OLAH: variants seen among roughly 807,000 people sequenced by gnomAD.
OLAH encodes the protein oleoyl-ACP hydrolase.
A neutral mutation model predicts 27.8 loss-of-function variants in OLAH; 33 were observed. That is an observed-to-expected ratio of 1.19 (90% CI 0.90 to 1.59). The LOEUF (loss-of-function observed/expected upper bound fraction) is 1.59, where lower values mean the gene tolerates loss of function less well. Among genes scored for constraint, OLAH ranks in the 40% most tolerant of loss-of-function variants. The pLI is 0.00. For missense variants in OLAH, 359 were observed against 310.8 expected (o/e 1.16, Z -1.17); for synonymous variants, 120 against 102.9 (o/e 1.17, Z -1.01).
chr10:15,069,400 C>A (rs1367299836), intron 6 of OLAH, among the ~76,000 whole-genome samples: 1 of 152,196 alleles, frequency 6.6e-6, no homozygotes, highest in Non-Finnish European at 1.5e-5. Flanking sequence ...GGGTTTCATG[C>A]CCCTCTTCCA....
chr10:15,057,036 T>G (rs981989028), intron 3 of OLAH: 6 of 1,346,234 alleles, frequency 4.5e-6, no homozygotes, highest in Non-Finnish European at 5.8e-6. Context: ...TTCTTTTTAA[T>G]GTGGTGTCTT....
At chr10:15,055,169 C>G (rs1033985568) in intron 3 of OLAH, among the ~76,000 whole-genome samples, 5 of 152,084 alleles carry the variant, frequency 3.3e-5, no homozygotes, top group African/African-American at 7.2e-5. Flanking sequence ...AAAGTGTTCT[C>G]ATTGCCTGAA....
rs555644150 is a variant in OLAH, at chr10:15,034,063, G to A, written c.-164+1713G>A. On this transcript the variant is annotated intron_variant, in intron 1 of 3. Coordinates refer to the OLAH transcript ENST00000413672. The stretch of plus-strand genomic sequence containing the variant: ...GGAAACTACCAGGAGAGAAAGAGGT[G>A]GGGGAAGGAACCTCCTAGAGGAAAG... Among the ~76,000 whole-genome samples the A allele has an allele frequency of 4.6e-5, 7 of 151,532 alleles. No individual in the cohort carries two copies. In the East Asian group the frequency reaches 9.8e-4, roughly 21 times the overall value.
At chr10:15,047,695 TC>T (rs1409409308) in intron 2 of OLAH, among the ~76,000 whole-genome samples, 1 of 151,756 alleles carries the variant, frequency 6.6e-6, no homozygotes, top group East Asian at 1.9e-4. Context: ...ACAGCAAGAA[TC>T]CATCTCAAAA....
At chr10:15,050,513 C>G (rs991479844) in intron 3 of OLAH, among the ~76,000 whole-genome samples, 3 of 150,924 alleles carry the variant, frequency 2.0e-5, no homozygotes, top group South Asian at 2.1e-4. Context: ...GGTGATCCAC[C>G]CACCTTGGCC....
At position 15,065,666 on chromosome 10, in the gene OLAH, C is replaced by A. The variant is rs757504333; in HGVS notation, c.485C>A (p.Thr162Asn). Residue 162 changes from threonine (T) to asparagine (N), a missense_variant, in exon 6 of 8, where the codon ACC becomes AAC. Physicochemically the swap from Thr to Asn is moderately conservative, Grantham distance 65. Coordinates refer to ENST00000378228, the MANE Select transcript of OLAH (RefSeq NM_001039702.3). ...CATTACCTTATGGAATTTGGAGGCA[C>A]CCCCAAGCATTTTGCTGAAGCCAAG... ...ISHYLMEFGGTPKHFAEAKEF... is the reference protein window; with the variant it reads ...ISHYLMEFGGNPKHFAEAKEF... The A allele has an allele frequency of 6.2e-7, 1 of 1,613,898 alleles. No individual in the cohort carries two copies. The highest frequency in any genetic ancestry group is 8.5e-7 in the Non-Finnish European group (1 of 1,179,878).
intron 3 of OLAH, among the ~76,000 whole-genome samples, chr10:15,051,919 C>G (rs975252890): frequency 2.6e-5 from 4 of 152,106 alleles, no homozygotes; most frequent in Non-Finnish European, 4.4e-5. Context: ...CATTGTCTCA[C>G]AAAAGCAAGC....
At chr10:15,053,282 G>A (rs554470499) in intron 3 of OLAH, among the ~76,000 whole-genome samples, 2 of 152,088 alleles carry the variant, frequency 1.3e-5, no homozygotes, top group Admixed American at 6.6e-5. Flanking sequence ...ATTAGTCACC[G>A]CCGGTTCCAG....
chr10:15,072,703 G>A lies in OLAH; in HGVS notation c.656-384G>A, dbSNP rs142754691. ...GAGGAGGGGAGGCTTTCTTGGGGCA[G>A]ACATCTTTCTGGCGGCCGGAAGCAA... On this transcript the variant is annotated intron_variant, in intron 7 of 7. Coordinates refer to ENST00000378228, the MANE Select transcript of OLAH (RefSeq NM_001039702.3). 2.2e-3 allele frequency among the ~76,000 whole-genome samples: 337 copies of A among 151,842 alleles called. 1 individual carries two copies. The highest frequency in any genetic ancestry group is 5.1e-3 in the Admixed American group (77 of 15,176).
intron 4 of OLAH, 93 bp from the exon 5 acceptor site, chr10:15,064,310 G>T (rs1180678182): frequency 2.0e-5 from 14 of 699,978 alleles, no homozygotes; most frequent in Non-Finnish European, 3.3e-5. Context: ...CATGATCATT[G>T]TTGTGTTTAT....
At chr10:15,055,578 G>A (rs191078649) in intron 3 of OLAH, among the ~76,000 whole-genome samples, 2 of 152,074 alleles carry the variant, frequency 1.3e-5, no homozygotes, top group African/African-American at 4.8e-5. Context: ...AATTCCTAAA[G>A]GTCTTTTTAG....
intron 3 of OLAH, among the ~76,000 whole-genome samples, chr10:15,054,032 C>T (rs547910622): frequency 3.5e-5 from 5 of 143,820 alleles, no homozygotes; most frequent in African/African-American, 1.3e-4. Context: ...GCTCAATCCT[C>T]TTAAGCATTT....
At chr10:15,058,869 C>T (rs1038731812) in intron 3 of OLAH, among the ~76,000 whole-genome samples, 1 of 151,698 alleles carries the variant, frequency 6.6e-6, no homozygotes, top group Admixed American at 6.6e-5. Context: ...ACAGTTGTTC[C>T]CTCCCTTCCT....
intron 4 of OLAH, among the ~76,000 whole-genome samples, chr10:15,063,885 T>C (rs796234210): frequency 1.1e-4 from 17 of 152,360 alleles, no homozygotes; most frequent in African/African-American, 3.6e-4. Flanking sequence ...TCTGACATAA[T>C]AGAAGGCAGA....
chr10:15,042,335 T>G (rs558981926), upstream of OLAH, among the ~76,000 whole-genome samples: 3 of 152,110 alleles, frequency 2.0e-5, no homozygotes, highest in South Asian at 4.1e-4. Flanking sequence ...GTATTTTTAG[T>G]AGAGACAGGG....
In OLAH at chr10:15,065,672, A is replaced by C. The variant is rs767824034; in HGVS notation, c.491A>C (p.Lys164Thr). 2 of 1,614,212 alleles carry C rather than the reference A, an allele frequency of 1.2e-6. No individual in the cohort carries two copies. The highest frequency in any genetic ancestry group is 1.7e-6 in the Non-Finnish European group (2 of 1,180,028). ...HYLMEFGGTPKHFAEAKEFVK... is the reference protein window; with the variant it reads ...HYLMEFGGTPTHFAEAKEFVK... ...CTTATGGAATTTGGAGGCACCCCCAAGCATTTTGCTGAAGCCAAGGAATTT... is the reference window on the plus strand; with the variant it reads ...CTTATGGAATTTGGAGGCACCCCCACGCATTTTGCTGAAGCCAAGGAATTT... The change falls in exon 6 of 8, where the codon AAG becomes ACG. Residue 164 changes from lysine (K) to threonine (T), a missense_variant. Coordinates refer to ENST00000378228, the MANE Select transcript of OLAH (RefSeq NM_001039702.3).
chr10:15,058,284 G>A (rs981931449), intron 3 of OLAH, among the ~76,000 whole-genome samples: 2 of 151,892 alleles, frequency 1.3e-5, no homozygotes, highest in African/African-American at 2.4e-5. Flanking sequence ...GTGCACATGG[G>A]GTCTCCCTAT....
intron 1 of OLAH, among the ~76,000 whole-genome samples, chr10:15,038,201 C>T (rs1353550355): frequency 6.6e-6 from 1 of 152,208 alleles, no homozygotes; most frequent in Non-Finnish European, 1.5e-5. Context: ...AATGCCTGTA[C>T]CCCATTGTAT....
At chr10:15,041,378 A>G (rs1227791716), upstream of OLAH, among the ~76,000 whole-genome samples, 2 of 151,656 alleles carry the variant, frequency 1.3e-5, no homozygotes, top group Non-Finnish European at 2.9e-5. Flanking sequence ...TCCCAGGTCC[A>G]AGCGATTCTC....
Sources: allele counts gnomAD v4.1 joint callset (sites outside exome capture counted in the v4.1 genomes callset), GRCh38; gene constraint gnomAD v4.1.1; transcripts MANE v1.5; gene names NCBI Gene and HGNC (gene_info 2026-07-23, HGNC 2026-07-21).